Variants in NRP1 observed in about 807,000 individuals in gnomAD.
NRP1 encodes neuropilin-1.
In NRP1, 35 loss-of-function variants were observed where a neutral mutation model predicts 106.7. The observed-to-expected ratio is 0.33, with a 90% CI of 0.25 to 0.43. NRP1 has a LOEUF of 0.43. NRP1 is among the 20% of genes least tolerant of loss of function. The probability of loss-of-function intolerance (pLI) is 1.00; values close to 1 mark genes in which losing one functional copy is unlikely to be tolerated. For synonymous variants in NRP1, 437 were observed against 417.9 expected, an observed-to-expected ratio of 1.05 and a Z score of -0.56; for missense variants, 1,024 against 1,170.4, an observed-to-expected ratio of 0.87 and a Z score of 1.83.
intron 7 of NRP1, 122 bp from the exon 8 acceptor site, chr10:33,221,985 T>A (rs1040324952): frequency 9.6e-7 from 1 of 1,036,904 alleles, no homozygotes; most frequent in African/African-American, 1.6e-5. Context: ...AAGGATGAGA[T>A]GGCGTTAATA....
rs1163132501 is a variant in NRP1, at chr10:33,207,647, T to G, written c.1684A>C (p.Ile562Leu). ...RTFPALSTRF[I>L]RIYPERATHG... is the part of the protein sequence containing the mutation. ...GTGGCTCTCTCGGGGTAGATCCTGA[T>G]GAATCGCGTGGAGAGAGCTGGAAAA... Residue 562 changes from isoleucine (I) to leucine (L), a missense_variant, in exon 10 of 17, where the codon ATC (isoleucine) becomes CTC (leucine). Transcript: ENST00000374867. The G allele has an allele frequency of 2.5e-6, 4 of 1,614,130 alleles. No homozygotes were observed. The highest frequency in any genetic ancestry group is 2.5e-6 in the Non-Finnish European group (3 of 1,180,024).
intron 6 of NRP1, among the ~76,000 whole-genome samples, chr10:33,242,906 A>G (rs1485156275): frequency 1.3e-5 from 2 of 152,136 alleles, no homozygotes; most frequent in Non-Finnish European, 2.9e-5. Flanking sequence ...CTGGGTTAGT[A>G]TTATGGCCTA....
At chr10:33,286,426 C>T (rs1277682330) in intron 2 of NRP1, among the ~76,000 whole-genome samples, 1 of 152,130 alleles carries the variant, frequency 6.6e-6, no homozygotes, top group Non-Finnish European at 1.5e-5. Context: ...CCTACATCTG[C>T]CCTTCCTGCT....
At position 33,231,154 on chromosome 10, in the gene NRP1, C is replaced by T. The variant is rs1022306442; in HGVS notation, c.982-4865G>A. On this transcript the variant is annotated intron_variant, in intron 6 of 16. Coordinates refer to ENST00000374867, the MANE Select transcript of NRP1 (RefSeq NM_003873.7). ...TTTTTTGACTGGAAATGACTTTTTC[C>T]TCTTTTTGGCCTAGTAGGCTAAACC... Among the ~76,000 whole-genome samples, 68 of 152,178 alleles carry T rather than the reference C, an allele frequency of 4.5e-4. 1 individual carries two copies. Among genetic ancestry groups the T allele is most frequent in the Non-Finnish European group, 1.2e-4 (8 of 68,042 alleles).
intron 6 of NRP1, among the ~76,000 whole-genome samples, chr10:33,231,948 A>G (rs1201894861): frequency 6.6e-6 from 1 of 152,220 alleles, no homozygotes; most frequent in African/African-American, 2.4e-5. Context: ...TTCCCTCACC[A>G]CTATTGACAT....
rs921064173 is a variant in NRP1 at position 33,178,132 on chromosome 10, A to G, written c.*1944T>C. 2.0e-5 allele frequency: 3 copies of G among 152,622 alleles called. No individual in the cohort carries two copies. The highest frequency in any genetic ancestry group is 7.2e-5 in the African/African-American group (3 of 41,458). 9.5% of individuals were successfully genotyped at this position (152,622 alleles called of 1,614,324 possible). A position where few individuals can be genotyped will look rare whatever the true frequency, so the allele number is the denominator to read the frequency against. On this transcript the variant is annotated 3_prime_UTR_variant, in exon 17 of 17. Transcript: ENST00000374867. Reference sequence around the variant, plus strand: ...CATGGTGATCAATATTTTCCTGGAAACAAAAGGCATTCTCAATCCAATTTA... The same window carrying G: ...CATGGTGATCAATATTTTCCTGGAAGCAAAAGGCATTCTCAATCCAATTTA...
intron 6 of NRP1, among the ~76,000 whole-genome samples, chr10:33,247,973 G>C (rs376559210): frequency 3.3e-5 from 5 of 152,170 alleles, no homozygotes; most frequent in Non-Finnish European, 1.5e-5. Flanking sequence ...CACTTTGTAA[G>C]ACTAAAATAG....
chr10:33,304,220 T>C (rs1845992136), intron 2 of NRP1, among the ~76,000 whole-genome samples: 1 of 152,238 alleles, frequency 6.6e-6, no homozygotes, highest in South Asian at 2.1e-4. Context: ...AAATTCTTTC[T>C]ATTTCTGGTC....
At chr10:33,246,478 G>C (rs1841433521) in intron 6 of NRP1, among the ~76,000 whole-genome samples, 1 of 152,242 alleles carries the variant, frequency 6.6e-6, no homozygotes, top group South Asian at 2.1e-4. Flanking sequence ...TGCAGAATCA[G>C]GGTAAGCACC....
intron 2 of NRP1, among the ~76,000 whole-genome samples, chr10:33,315,796 G>C (rs973951887): frequency 1.6e-4 from 25 of 152,324 alleles, no homozygotes; most frequent in African/African-American, 5.3e-4. Flanking sequence ...GGTAGAACTA[G>C]GATGATAAGT....
chr10:33,211,542 A>G (rs922568890), intron 9 of NRP1: 5 of 152,246 alleles, frequency 3.3e-5, no homozygotes, highest in African/African-American at 1.2e-4. Flanking sequence ...AGAAACCACA[A>G]GTTAAGGAAG....
chr10:33,310,114 A>C (rs1846475375), intron 2 of NRP1, among the ~76,000 whole-genome samples: 1 of 149,980 alleles, frequency 6.7e-6, no homozygotes, highest in Non-Finnish European at 1.5e-5. Context: ...CGCCCGGCTA[A>C]TTTTTTTTGT....
rs1305279518 is a variant in NRP1, at chr10:33,330,718, T to A, written c.238A>T (p.Arg80Ter). The change falls in exon 2 of 17, where the codon AGA (arginine) becomes TGA (stop). Residue 80 changes from arginine (R) to a stop codon, truncating the protein, a stop_gained. Transcript: ENST00000374867. LOFTEE classifies it high-confidence loss of function. The stretch of plus-strand genomic sequence containing the variant: ...AACATTCCCACTTACTTGCAGTCTC[T>A]GTCCTCCAAATCGAAGTGAGGGTTG... The part of the protein sequence containing the change: ...NFNPHFDLED[R>*]DCKYDYVEVF... 1 of 1,612,144 alleles carries A rather than the reference T, an allele frequency of 6.2e-7. No individual in the cohort carries two copies. The highest frequency in any genetic ancestry group is 1.3e-5 in the African/African-American group (1 of 74,874).
At chr10:33,325,378 CA>C (rs1446397844) in intron 2 of NRP1, among the ~76,000 whole-genome samples, 3 of 151,988 alleles carry the variant, frequency 2.0e-5, no homozygotes, top group Non-Finnish European at 4.4e-5. Flanking sequence ...TTTAATGTAA[CA>C]TTTTTTAAAA....
chr10:33,312,729 C>T (rs1321518313), intron 2 of NRP1, among the ~76,000 whole-genome samples: 1 of 152,154 alleles, frequency 6.6e-6, no homozygotes, highest in Non-Finnish European at 1.5e-5. Flanking sequence ...TATTACTTTG[C>T]TTACGCTGCC....
chr10:33,215,044 A>G (rs1168495703), intron 8 of NRP1, among the ~76,000 whole-genome samples: 1 of 152,170 alleles, frequency 6.6e-6, no homozygotes, highest in African/African-American at 2.4e-5. Flanking sequence ...TAGAAAAGAG[A>G]TATCTTTTGA....
At chr10:33,234,673 G>A (rs908955697) in intron 6 of NRP1, among the ~76,000 whole-genome samples, 3 of 152,148 alleles carry the variant, frequency 2.0e-5, no homozygotes, top group Admixed American at 6.6e-5. Flanking sequence ...AAATACCCAA[G>A]TAGAAGAACA....
At chr10:33,292,361 A>G (rs910104941) in intron 2 of NRP1, among the ~76,000 whole-genome samples, 1 of 152,134 alleles carries the variant, frequency 6.6e-6, no homozygotes, top group African/African-American at 2.4e-5. Flanking sequence ...AAATTCTACA[A>G]TATCAAACTC....
intron 5 of NRP1, among the ~76,000 whole-genome samples, chr10:33,254,898 G>T (rs184136595): frequency 6.6e-6 from 1 of 152,340 alleles, no homozygotes; most frequent in East Asian, 1.9e-4. Flanking sequence ...AAGCACATTA[G>T]GTGGACATGT....
Sources: allele counts gnomAD v4.1 joint callset (sites outside exome capture counted in the v4.1 genomes callset), GRCh38; gene constraint gnomAD v4.1.1; transcripts MANE v1.5; gene names NCBI Gene and HGNC (gene_info 2026-07-23, HGNC 2026-07-21).